Variants in SOX5 observed in about 807,000 individuals in gnomAD.
SOX5 encodes SRY-box transcription factor 5.
SOX5 carries 9 observed loss-of-function variants against 92.0 expected under a neutral mutation model. That is an observed-to-expected ratio of 0.10 (90% CI 0.06 to 0.17). The LOEUF is 0.17. SOX5 is among the 10% of genes least tolerant of loss of function. The pLI, the probability that SOX5 is intolerant of heterozygous loss-of-function variation, is 1.00. For synonymous variants in SOX5, 344 were observed against 336.3 expected, an observed-to-expected ratio of 1.02 and a Z score of -0.25; for missense variants, 642 against 944.5, an observed-to-expected ratio of 0.68 and a Z score of 4.20.
chr12:24,176,413 C>T (rs1386090759), intron 4 of SOX5, among the ~76,000 whole-genome samples: 1 of 152,068 alleles, frequency 6.6e-6, no homozygotes, highest in African/African-American at 2.4e-5. Flanking sequence ...GTATAAAGCA[C>T]ACACATTTAA....
At chr12:24,404,408 G>C (rs1962454850) in intron 1 of SOX5, among the ~76,000 whole-genome samples, 1 of 152,094 alleles carries the variant, frequency 6.6e-6, no homozygotes, top group South Asian at 2.1e-4. Flanking sequence ...CTTGAATTCA[G>C]GCAGAAATTC....
chr12:24,484,786 C>T (rs980143046), intron 1 of SOX5, among the ~76,000 whole-genome samples: 49 of 152,180 alleles, frequency 3.2e-4, no homozygotes, highest in Admixed American at 1.5e-3. Flanking sequence ...ATTATGATAG[C>T]GTTAATTAAC....
At chr12:24,179,524 G>A (rs1593988563) in intron 4 of SOX5, among the ~76,000 whole-genome samples, 1 of 152,172 alleles carries the variant, frequency 6.6e-6, no homozygotes, top group East Asian at 1.9e-4. Flanking sequence ...ACTCTGCAAT[G>A]CACTGTGTTG....
chr12:23,792,779 T>C (rs993806762), intron 3 of SOX5, among the ~76,000 whole-genome samples: 2 of 151,968 alleles, frequency 1.3e-5, no homozygotes, highest in Admixed American at 6.6e-5. Context: ...TCATCTGTTG[T>C]GGTATCTGTC....
chr12:24,361,771 G>A (rs1238806900), intron 2 of SOX5, among the ~76,000 whole-genome samples: 1 of 152,228 alleles, frequency 6.6e-6, no homozygotes, highest in Non-Finnish European at 1.5e-5. Flanking sequence ...ACTGAGCCCT[G>A]TAAAGACCTC....
chr12:23,974,974 A>G (rs927307066), intron 4 of SOX5, among the ~76,000 whole-genome samples: 2 of 152,136 alleles, frequency 1.3e-5, no homozygotes, highest in Non-Finnish European at 1.5e-5. Flanking sequence ...TAAAATATCA[A>G]TCTGAAAGTA....
At chr12:23,659,323 G>A (rs370617546) in intron 7 of SOX5, among the ~76,000 whole-genome samples, 119 of 152,312 alleles carry the variant, frequency 7.8e-4, no homozygotes, top group African/African-American at 2.8e-3. Context: ...TTTTATTGCG[G>A]TGTATGAGGA....
At chr12:24,115,016 A>G (rs556392077) in intron 4 of SOX5, among the ~76,000 whole-genome samples, 41 of 152,346 alleles carry the variant, frequency 2.7e-4, no homozygotes, top group African/African-American at 9.4e-4. Context: ...AGATGTGATA[A>G]AAGTTTTATA....
At chr12:24,165,676 T>G (rs1953315054) in intron 4 of SOX5, among the ~76,000 whole-genome samples, 1 of 152,094 alleles carries the variant, frequency 6.6e-6, no homozygotes, top group Non-Finnish European at 1.5e-5. Flanking sequence ...ATTCCAGGCA[T>G]GCAGAAATAC....
chr12:23,851,966 C>A (rs930781374), intron 2 of SOX5, among the ~76,000 whole-genome samples: 1 of 152,040 alleles, frequency 6.6e-6, no homozygotes, highest in Non-Finnish European at 1.5e-5. Flanking sequence ...TGATGATCAG[C>A]GGCTAGGTTG....
At chr12:23,865,507 C>G (rs1384905811) in intron 2 of SOX5, among the ~76,000 whole-genome samples, 1 of 152,046 alleles carries the variant, frequency 6.6e-6, no homozygotes, top group African/African-American at 2.4e-5. Context: ...CACCCCATCT[C>G]TACTAAAAAT....
chr12:23,936,275 A>T (rs1336068825), intron 1 of SOX5, among the ~76,000 whole-genome samples: 1 of 151,056 alleles, frequency 6.6e-6, no homozygotes, highest in Non-Finnish European at 1.5e-5. Context: ...TTTAAAACTC[A>T]ATAGTAAAAT....
intron 1 of SOX5, among the ~76,000 whole-genome samples, chr12:24,477,606 A>C (rs1945536859): frequency 6.6e-6 from 1 of 152,162 alleles, no homozygotes; most frequent in Non-Finnish European, 1.5e-5. Context: ...AGTACTGTAG[A>C]ATAATGGCAT....
At chr12:23,935,611 G>A (rs1210291007) in intron 1 of SOX5, among the ~76,000 whole-genome samples, 1 of 151,008 alleles carries the variant, frequency 6.6e-6, no homozygotes, top group African/African-American at 2.4e-5. Context: ...CCATTACCAA[G>A]AAACCCTTTA....
chr12:24,400,850 T>G (rs1195080767), intron 1 of SOX5, among the ~76,000 whole-genome samples: 1 of 152,184 alleles, frequency 6.6e-6, no homozygotes, highest in Non-Finnish European at 1.5e-5. Context: ...TAACAAAGTC[T>G]AATAGGCAAA....
intron 9 of SOX5, chr12:23,584,615 TGA>T: frequency 6.2e-7 from 1 of 1,603,022 alleles, no homozygotes. Flanking sequence ...GACTGTTTAA[TGA>T]GTAATGACAG....
chr12:24,505,807 G>A (rs181166396), intron 1 of SOX5, among the ~76,000 whole-genome samples: 233 of 150,654 alleles, frequency 1.5e-3, no homozygotes, highest in African/African-American at 5.5e-3. Context: ...CCACTCCCAC[G>A]CCTGGAAGGC....
At chr12:23,949,731 C>CTT, upstream of SOX5, 2 of 749,482 alleles carry the variant, frequency 2.7e-6, no homozygotes, top group Non-Finnish European at 4.0e-6. Flanking sequence ...TCCCTCCCTC[C>CTT]CTCTCTCTCT....
At chr12:24,296,373 A>T (rs1308320784) in intron 2 of SOX5, among the ~76,000 whole-genome samples, 1 of 152,206 alleles carries the variant, frequency 6.6e-6, no homozygotes, top group Non-Finnish European at 1.5e-5. Flanking sequence ...ATTTAAGACT[A>T]TTTGACGGTG....
Sources: allele counts gnomAD v4.1 joint callset (sites outside exome capture counted in the v4.1 genomes callset), GRCh38; gene constraint gnomAD v4.1.1; transcripts MANE v1.5; gene names NCBI Gene and HGNC (gene_info 2026-07-23, HGNC 2026-07-21).